The following TRMT9B variants were observed in gnomAD, a reference collection of about 807,000 sequenced individuals.
TRMT9B encodes tRNA methyltransferase 9B (putative).
TRMT9B carries 16 observed loss-of-function variants against 11.5 expected under a neutral mutation model. That is an observed-to-expected ratio of 1.39 (90% CI 0.94 to 2.11). The LOEUF (loss-of-function observed/expected upper bound fraction) is 2.11. Ranked by LOEUF, TRMT9B falls within the 30% of genes most tolerant of loss-of-function variation. The pLI, the probability that TRMT9B is intolerant of heterozygous loss-of-function variation, is 0.00. For synonymous variants in TRMT9B, 274 were observed against 192.4 expected (o/e 1.42, Z -3.51); for missense variants, 941 against 553.8 (o/e 1.70, Z -7.02).
At chr8:13,018,273 A>G (rs1415841159) in intron 4 of TRMT9B, among the ~76,000 whole-genome samples, 1 of 151,416 alleles carries the variant, frequency 6.6e-6, no homozygotes, top group Non-Finnish European at 1.5e-5. Flanking sequence ...GTGGTGATAT[A>G]TACCTGTGGT....
At chr8:13,003,554 T>C (rs565577666) in intron 2 of TRMT9B, among the ~76,000 whole-genome samples, 9 of 152,152 alleles carry the variant, frequency 5.9e-5, no homozygotes, top group African/African-American at 2.2e-4. Flanking sequence ...AAACAGTGGG[T>C]CATTGGGTAT....
At chr8:13,015,358 G>T (rs369792096) in intron 4 of TRMT9B, among the ~76,000 whole-genome samples, 3 of 151,784 alleles carry the variant, frequency 2.0e-5, no homozygotes, top group East Asian at 1.9e-4. Context: ...TTTAGAATCC[G>T]CAGGTTTAGC....
chr8:12,984,954 TACACACACAC>T (rs112248064), intron 1 of TRMT9B, among the ~76,000 whole-genome samples: 1 of 136,464 alleles, frequency 7.3e-6, no homozygotes, highest in African/African-American at 3.1e-5. Context: ...TCCCTCAACA[TACACACACAC>T]ACACACACAC....
At chr8:12,986,367 A>G (rs569397108) in intron 1 of TRMT9B, among the ~76,000 whole-genome samples, 2 of 152,202 alleles carry the variant, frequency 1.3e-5, no homozygotes, top group East Asian at 1.9e-4. Context: ...TTCATTGAAC[A>G]TTGTAAAAAT....
intron 1 of TRMT9B, among the ~76,000 whole-genome samples, chr8:12,989,162 C>T (rs1007964847): frequency 6.6e-6 from 1 of 152,058 alleles, no homozygotes; most frequent in Admixed American, 6.5e-5. Context: ...ACACGCATGG[C>T]TTATTTCAGA....
intron 1 of TRMT9B, among the ~76,000 whole-genome samples, chr8:12,986,322 T>A (rs1806299315): frequency 6.6e-6 from 1 of 152,132 alleles, no homozygotes; most frequent in Non-Finnish European, 1.5e-5. Context: ...GGGCCATCCT[T>A]CTTTTCTGTT....
chr8:12,997,871 G>A (rs1808651879), intron 2 of TRMT9B, among the ~76,000 whole-genome samples: 1 of 152,130 alleles, frequency 6.6e-6, no homozygotes, highest in Non-Finnish European at 1.5e-5. Context: ...TTCCAGTGGT[G>A]TATTAGAACT....
intron 3 of TRMT9B, chr8:13,011,825 G>A: frequency 3.1e-6 from 3 of 964,702 alleles, no homozygotes; most frequent in Non-Finnish European, 3.7e-6. Context: ...AATGAATAGA[G>A]ATTGGATAAA....
intron 4 of TRMT9B, among the ~76,000 whole-genome samples, chr8:13,019,297 G>C (rs750804050): frequency 4.3e-4 from 65 of 152,018 alleles, no homozygotes; most frequent in Admixed American, 7.2e-4. Flanking sequence ...TGTATATATA[G>C]ATACATATAT....
At chr8:12,990,284 T>C (rs1807107478) in intron 1 of TRMT9B, among the ~76,000 whole-genome samples, 1 of 152,240 alleles carries the variant, frequency 6.6e-6, no homozygotes, top group South Asian at 2.1e-4. Context: ...TCTCATTGTA[T>C]ATCACAAGAC....
At chr8:12,993,218 T>C (rs1335140958) in intron 2 of TRMT9B, among the ~76,000 whole-genome samples, 1 of 152,160 alleles carries the variant, frequency 6.6e-6, no homozygotes. Flanking sequence ...TGCTATCCCG[T>C]AGGCAGCAGA....
intron 1 of TRMT9B, among the ~76,000 whole-genome samples, chr8:12,974,129 CCGA>C (rs1804058427): frequency 6.6e-6 from 1 of 152,064 alleles, no homozygotes; most frequent in Admixed American, 6.5e-5. Flanking sequence ...CAAGATCGCA[CCGA>C]TGCTCTCCAG....
chr8:12,959,809 G>C (rs577012147), intron 1 of TRMT9B: 8 of 152,080 alleles, frequency 5.3e-5, no homozygotes, highest in Non-Finnish European at 1.2e-4. Flanking sequence ...GATTACAAAC[G>C]TGAGCCACCA....
chr8:12,962,714 C>G (rs1802293385), intron 1 of TRMT9B, among the ~76,000 whole-genome samples: 1 of 152,178 alleles, frequency 6.6e-6, no homozygotes, highest in African/African-American at 2.4e-5. Flanking sequence ...TGGTCTGGAA[C>G]TCCTGAGCTC....
In TRMT9B at chr8:12,979,127, T is replaced by A. The variant is rs2280453; in HGVS notation, c.-199-11707T>A. 2.6e-3 allele frequency among the ~76,000 whole-genome samples: 399 copies of A among 152,264 alleles called. 9 individuals are homozygous for A. The highest frequency in any genetic ancestry group is 0.017 in the East Asian group (88 of 5,172). On this transcript the variant is annotated intron_variant, in intron 1 of 4. Transcript: ENST00000524591. ...TCTCCCTCTTACAGGAAACTCCCTC[T>A]GGCGGGGGAATGGCAGGCCTATGAG...
chr8:12,972,402 C>T (rs754106250), intron 1 of TRMT9B, among the ~76,000 whole-genome samples: 2 of 152,054 alleles, frequency 1.3e-5, no homozygotes, highest in Non-Finnish European at 2.9e-5. Context: ...GGCGAGGTGT[C>T]TTTTAGGGGT....
Position 13,006,276 on chromosome 8 carries a change from G to C in TRMT9B, c.74G>C (p.Ser25Thr). ...NVYESTAPYF[S>T]DLQSKAWPRV... ...TACGAGAGCACAGCCCCTTACTTCA[G>C]CGACCTGCAGAGCAAAGCCTGGCCT... The change falls in exon 3 of 5, where the codon AGC (serine) becomes ACC (threonine). Residue 25 changes from serine to threonine, a missense_variant. Coordinates refer to ENST00000524591, the MANE Select transcript of TRMT9B (RefSeq NM_020844.3). 1 of 1,613,984 alleles carries C rather than the reference G, an allele frequency of 6.2e-7. No homozygotes were observed. Among genetic ancestry groups the C allele is most frequent in the Non-Finnish European group, 8.5e-7 (1 of 1,179,882 alleles).
intron 1 of TRMT9B, among the ~76,000 whole-genome samples, chr8:12,982,093 G>C (rs576085030): frequency 6.6e-6 from 1 of 152,246 alleles, no homozygotes; most frequent in African/African-American, 2.4e-5. Context: ...ATATCTATCT[G>C]TCTACATACC....
chr8:12,951,906 G>A (rs1181626131), intron 1 of TRMT9B: 3 of 152,160 alleles, frequency 2.0e-5, no homozygotes, highest in African/African-American at 7.3e-5. Flanking sequence ...CCGGACGCCG[G>A]GGGGCGCCTC....
Sources: allele counts gnomAD v4.1 joint callset (sites outside exome capture counted in the v4.1 genomes callset), GRCh38; gene constraint gnomAD v4.1.1; transcripts MANE v1.5; gene names NCBI Gene and HGNC (gene_info 2026-07-23, HGNC 2026-07-21).